Variants in PGM2 observed in about 807,000 individuals in gnomAD.
PGM2 encodes the protein phosphopentomutase.
PGM2 carries 57 observed loss-of-function variants against 74.6 expected under a neutral mutation model. The ratio of observed to expected loss-of-function variants is 0.76; its 90% CI spans 0.62 to 0.95. The LOEUF (loss-of-function observed/expected upper bound fraction) is 0.95, where lower values mean the gene tolerates loss of function less well. PGM2 is among the 40% of genes least tolerant of loss of function. The probability of loss-of-function intolerance (pLI) is 0.00; values close to 1 mark genes in which losing one functional copy is unlikely to be tolerated. For synonymous variants in PGM2, 273 were observed against 260.7 expected (o/e 1.05, Z -0.46); for missense variants, 706 against 741.9 (o/e 0.95, Z 0.56).
At chr4:37,841,898 C>T (rs1029064974) in intron 6 of PGM2, among the ~76,000 whole-genome samples, 1 of 152,168 alleles carries the variant, frequency 6.6e-6, no homozygotes. Context: ...TTTCTGGCAT[C>T]AAAATTGTAT....
At chr4:37,837,698 G>A in intron 4 of PGM2, 85 bp downstream of exon 4, 1 of 836,918 alleles carries the variant, frequency 1.2e-6, no homozygotes, top group Non-Finnish European at 2.1e-6. Flanking sequence ...AGGGCTATTG[G>A]GATTGGACTG....
chr4:37,838,313 C>G (rs1725623044), intron 4 of PGM2, among the ~76,000 whole-genome samples: 1 of 152,210 alleles, frequency 6.6e-6, no homozygotes, highest in Non-Finnish European at 1.5e-5. Flanking sequence ...TGGCACACCC[C>G]TGTTTTATAC....
rs934269477 is a variant in PGM2 at position 37,840,170 on chromosome 4, T to C, written c.630T>C (p.Ser210=). The C allele has an allele frequency of 6.2e-7, 1 of 1,613,016 alleles. No individual in the cohort carries two copies. ...LEPWPQAWDD[S]LIDSSPLLHN... ...CGTGGCCTCAAGCTTGGGACGATTC[T>C]TTAATTGATAGCAGTCCACTTCTCC... The change falls in exon 6 of 14, where the codon TCT becomes TCC. Residue 210 remains serine (S), a synonymous_variant. Transcript: ENST00000381967.
At chr4:37,853,924 C>G (rs1485827873) in intron 12 of PGM2, among the ~76,000 whole-genome samples, 2 of 152,176 alleles carry the variant, frequency 1.3e-5, no homozygotes, top group Non-Finnish European at 2.9e-5. Flanking sequence ...GGCAAGGAAC[C>G]GGGATGGTCT....
chr4:37,861,564 A>C lies in PGM2; in HGVS notation c.1791A>C (p.Glu597Asp), dbSNP rs140665231. 1.2e-6 allele frequency: 2 copies of C among 1,613,458 alleles called. No individual in the cohort carries two copies. Among genetic ancestry groups the C allele is most frequent in the Non-Finnish European group, 1.7e-6 (2 of 1,179,612 alleles). Residue 597 changes from glutamate to aspartate, a missense_variant, in exon 14 of 14, where the codon GAA (glutamate) becomes GAC (aspartate). By Grantham distance (45) the Glu-to-Asp change is conservative. This residue lies in a region of PGM2 where 359 missense variants were observed against 371.1 expected (regional missense o/e 0.97). Coordinates refer to ENST00000381967, the MANE Select transcript of PGM2 (RefSeq NM_018290.4). ...ELNELVSAIE[E>D]HFFQPQKYNL... is the part of the protein sequence containing the mutation. ...ATGAACTGGTCAGTGCTATTGAAGAACATTTTTTCCAGCCACAGAAGTACA... is the reference window on the plus strand; with the variant it reads ...ATGAACTGGTCAGTGCTATTGAAGACCATTTTTTCCAGCCACAGAAGTACA...
chr4:37,859,712 C>G (rs1453008812), intron 13 of PGM2, among the ~76,000 whole-genome samples: 3 of 146,162 alleles, frequency 2.1e-5, no homozygotes, highest in African/African-American at 8.0e-5. Flanking sequence ...CCCAAAATAG[C>G]TGTTTTCTCC....
intron 12 of PGM2, among the ~76,000 whole-genome samples, chr4:37,852,279 A>C (rs1472215217): frequency 6.6e-6 from 1 of 150,586 alleles, no homozygotes; most frequent in Non-Finnish European, 1.5e-5. Context: ...TTCATGTAGT[A>C]ATAGTTGCTT....
In PGM2 at chr4:37,845,654, G is replaced by A. The variant is rs372536402; in HGVS notation, c.931G>A (p.Asp311Asn). Residue 311 changes from aspartate (D) to asparagine (N), a missense_variant, in exon 8 of 14, where the codon GAC becomes AAC. Asp to Asn is a conservative substitution (Grantham distance 23). Coordinates refer to ENST00000381967, the MANE Select transcript of PGM2 (RefSeq NM_018290.4). ...GVLTLSFALA[D>N]KTKARIVLAN... Reference sequence around the variant, plus strand: ...TCAGACTTTGTCTTTTGCTTTGGCTGACAAAACCAAGGCCAGAATTGTTTT... The same window carrying A: ...TCAGACTTTGTCTTTTGCTTTGGCTAACAAAACCAAGGCCAGAATTGTTTT... 4 of 1,612,524 alleles carry A rather than the reference G, an allele frequency of 2.5e-6. No homozygotes were observed. The highest frequency in any genetic ancestry group is 2.7e-5 in the African/African-American group (2 of 75,004).
At chr4:37,830,294 G>A (rs986021249) in intron 2 of PGM2, among the ~76,000 whole-genome samples, 163 bp downstream of exon 2, 4 of 152,156 alleles carry the variant, frequency 2.6e-5, no homozygotes, top group African/African-American at 9.7e-5. Flanking sequence ...ACAATAGGTC[G>A]AAGTAGCACT....
chr4:37,829,414 G>C (rs1725379016), intron 1 of PGM2, among the ~76,000 whole-genome samples: 1 of 151,266 alleles, frequency 6.6e-6, no homozygotes, highest in African/African-American at 2.5e-5. Context: ...TGCCTGGTAT[G>C]AATTATAAAA....
At chr4:37,836,310 G>A (rs559891998) in intron 3 of PGM2, among the ~76,000 whole-genome samples, 6 of 152,298 alleles carry the variant, frequency 3.9e-5, no homozygotes, top group East Asian at 1.9e-4. Context: ...CACCTGTAAC[G>A]CGTGAGACAT....
intron 6 of PGM2, among the ~76,000 whole-genome samples, chr4:37,841,651 A>G (rs1048541423): frequency 2.0e-5 from 3 of 152,154 alleles, no homozygotes; most frequent in African/African-American, 7.2e-5. Context: ...GAAATCTCCT[A>G]ATTCCTACGT....
rs77300804 is a variant in PGM2, at chr4:37,852,540, G to T, written c.1602+2167G>T. 4.4e-3 allele frequency among the ~76,000 whole-genome samples: 670 copies of T among 152,270 alleles called. 9 individuals are homozygous for T. Among genetic ancestry groups the T allele is most frequent in the South Asian group, 0.029 (141 of 4,834 alleles). Reference sequence around the variant, plus strand: ...CTTTCTGAGAACAAGTAATTGGGTGGTAAGTTTTTGGTGGCATTTAAGTCC... The same window carrying T: ...CTTTCTGAGAACAAGTAATTGGGTGTTAAGTTTTTGGTGGCATTTAAGTCC... On this transcript the variant is annotated intron_variant, in intron 12 of 13. Coordinates refer to ENST00000381967, the MANE Select transcript of PGM2 (RefSeq NM_018290.4).
chr4:37,846,869 C>G, intron 8 of PGM2, 62 bp from the exon 9 acceptor site: 1 of 1,336,432 alleles, frequency 7.5e-7, no homozygotes, highest in Non-Finnish European at 1.0e-6. Flanking sequence ...CCCCATGACA[C>G]TTTAGAGTCT....
intron 5 of PGM2, 67 bp from the exon 6 acceptor site, chr4:37,839,999 C>T: frequency 6.6e-7 from 1 of 1,521,222 alleles, no homozygotes. Flanking sequence ...ATTTTTGGGA[C>T]CATAGGTAAT....
chr4:37,848,999 G>A (rs988372473), intron 11 of PGM2, among the ~76,000 whole-genome samples: 4 of 151,576 alleles, frequency 2.6e-5, no homozygotes, highest in Non-Finnish European at 5.9e-5. Flanking sequence ...GAACCTGGGA[G>A]GCAGAGGTTG....
intron 1 of PGM2, among the ~76,000 whole-genome samples, chr4:37,829,185 C>CAAA (rs528053339): frequency 6.8e-5 from 10 of 146,470 alleles, no homozygotes; most frequent in Admixed American, 2.7e-4. Context: ...AACTACCATA[C>CAAA]AAAAAAAAAA....
intron 10 of PGM2, among the ~76,000 whole-genome samples, chr4:37,848,284 T>G (rs182256868): frequency 1.2e-3 from 186 of 152,346 alleles, no homozygotes; most frequent in African/African-American, 4.3e-3. Flanking sequence ...GTTTCATGAC[T>G]CTAGTGATTG....
chr4:37,827,593 C>T (rs1186471852), intron 1 of PGM2, among the ~76,000 whole-genome samples: 1 of 152,086 alleles, frequency 6.6e-6, no homozygotes, highest in Non-Finnish European at 1.5e-5. Flanking sequence ...ATGTGGCTTA[C>T]GTAGAGAGTC....
Sources: gnomAD v4.1 joint callset for allele counts (sites outside exome capture counted in the v4.1 genomes callset) on GRCh38, gnomAD v4.1.1 for gene constraint, gnomAD v4.1.1 regional missense constraint, MANE v1.5 for transcripts, NCBI Gene and HGNC (gene_info 2026-07-23, HGNC 2026-07-21) for gene names.